ROBO1: variants seen among roughly 807,000 people sequenced by gnomAD.
ROBO1 encodes roundabout guidance receptor 1.
Under a neutral mutation model 195.9 loss-of-function variants are expected in ROBO1, and 149 were observed. The ratio of observed to expected loss-of-function variants is 0.76; its 90% CI spans 0.67 to 0.87. The LOEUF (loss-of-function observed/expected upper bound fraction) is 0.87. Among genes scored for constraint, ROBO1 ranks in the 40% least tolerant of loss-of-function variants. The pLI is 0.00. For missense variants in ROBO1, 1,933 were observed against 2,068.3 expected, an observed-to-expected ratio of 0.93 and a Z score of 1.27; for synonymous variants, 816 against 733.2, an observed-to-expected ratio of 1.11 and a Z score of -1.82.
intron 2 of ROBO1, among the ~76,000 whole-genome samples, chr3:79,450,342 G>GAA (rs397736160): frequency 9.4e-5 from 14 of 148,866 alleles, no homozygotes; most frequent in Admixed American, 8.7e-4. Context: ...TGGGGAGAGA[G>GAA]GGAGGGATGA....
intron 2 of ROBO1, among the ~76,000 whole-genome samples, chr3:79,250,914 C>T (rs2082716810): frequency 6.6e-6 from 1 of 152,014 alleles, no homozygotes; most frequent in Admixed American, 6.6e-5. Context: ...AATTAGTCAG[C>T]TGTGGTGGCT....
chr3:78,612,011 C>T (rs780746389), intron 28 of ROBO1, among the ~76,000 whole-genome samples: 19 of 152,206 alleles, frequency 1.2e-4, no homozygotes, highest in African/African-American at 3.9e-4. Context: ...TTTGTTATGG[C>T]GGCCCTAGCA....
chr3:79,160,864 C>G (rs576296483), intron 2 of ROBO1, among the ~76,000 whole-genome samples: 1 of 151,952 alleles, frequency 6.6e-6, no homozygotes, highest in Non-Finnish European at 1.5e-5. Flanking sequence ...GCCTCACCCC[C>G]CCAACCTCAA....
chr3:79,246,785 A>G (rs2082631786), intron 2 of ROBO1, among the ~76,000 whole-genome samples: 1 of 152,072 alleles, frequency 6.6e-6, no homozygotes, highest in Non-Finnish European at 1.5e-5. Flanking sequence ...GATCCCATAT[A>G]TAATGAGAAC....
At chr3:79,658,536 C>T (rs1182860701) in intron 1 of ROBO1, among the ~76,000 whole-genome samples, 1 of 151,718 alleles carries the variant, frequency 6.6e-6, no homozygotes, top group Non-Finnish European at 1.5e-5. Context: ...ATTTTAGGTA[C>T]CCTAATTATT....
At chr3:79,153,374 A>G (rs2080805953) in intron 2 of ROBO1, among the ~76,000 whole-genome samples, 1 of 151,730 alleles carries the variant, frequency 6.6e-6, no homozygotes, top group Non-Finnish European at 1.5e-5. Flanking sequence ...GTATCACAGT[A>G]ATTTGAAAGC....
chr3:78,874,584 T>C (rs1464215084), intron 4 of ROBO1, among the ~76,000 whole-genome samples: 1 of 151,910 alleles, frequency 6.6e-6, no homozygotes, highest in Non-Finnish European at 1.5e-5. Flanking sequence ...CTTTATGTCA[T>C]ACACTTTCAA....
intron 1 of ROBO1, among the ~76,000 whole-genome samples, chr3:79,631,270 A>G (rs1164812759): frequency 2.0e-5 from 3 of 152,032 alleles, no homozygotes; most frequent in Admixed American, 6.6e-5. Flanking sequence ...ACAGTATGGT[A>G]CAAGTACAAT....
intron 2 of ROBO1, among the ~76,000 whole-genome samples, chr3:79,404,912 T>C (rs1282037658): frequency 6.6e-6 from 1 of 152,148 alleles, no homozygotes; most frequent in South Asian, 2.1e-4. Context: ...AATTCATTTT[T>C]AAAGTTATTT....
intron 2 of ROBO1, among the ~76,000 whole-genome samples, chr3:79,466,916 A>C (rs778323217): frequency 3.3e-5 from 5 of 152,158 alleles, no homozygotes; most frequent in Non-Finnish European, 7.4e-5. Context: ...GCTTGGTCAA[A>C]ATGACGAAGA....
chr3:78,631,970 C>T (rs1705212951), intron 24 of ROBO1, among the ~76,000 whole-genome samples: 2 of 152,128 alleles, frequency 1.3e-5, no homozygotes, highest in Admixed American at 1.3e-4. Context: ...CCCAATCATT[C>T]AAGTGCTCCA....
At chr3:79,033,626 C>A (rs1474094811) in intron 3 of ROBO1, among the ~76,000 whole-genome samples, 1 of 152,130 alleles carries the variant, frequency 6.6e-6, no homozygotes, top group Non-Finnish European at 1.5e-5. Flanking sequence ...ATATCCTTAT[C>A]ATCCAGGGCA....
intron 4 of ROBO1, 45 bp downstream of exon 4, chr3:78,938,556 C>T (rs1222618750): frequency 2.6e-6 from 4 of 1,521,616 alleles, no homozygotes; most frequent in Non-Finnish European, 8.9e-7. Flanking sequence ...AATGACGCCA[C>T]TCTGCCACTC....
chr3:78,638,266 T>G (rs1393682842), intron 22 of ROBO1, among the ~76,000 whole-genome samples: 2 of 137,346 alleles, frequency 1.5e-5, no homozygotes, highest in African/African-American at 5.6e-5. Context: ...TATATGTATA[T>G]GTGTATATAT....
chr3:79,395,701 T>G (rs2037130730), intron 2 of ROBO1, among the ~76,000 whole-genome samples: 1 of 152,104 alleles, frequency 6.6e-6, no homozygotes, highest in Non-Finnish European at 1.5e-5. Flanking sequence ...AAATACAAAT[T>G]TTCCCACCTA....
chr3:78,726,221 C>G (rs913113141), intron 5 of ROBO1, among the ~76,000 whole-genome samples: 1 of 151,992 alleles, frequency 6.6e-6, no homozygotes, highest in African/African-American at 2.4e-5. Context: ...ACTAAAAATA[C>G]TATTTAAAAA....
intron 4 of ROBO1, among the ~76,000 whole-genome samples, chr3:78,934,371 T>C (rs966056305): frequency 1.3e-5 from 2 of 151,900 alleles, no homozygotes; most frequent in African/African-American, 4.8e-5. Context: ...CAGTATTCTT[T>C]GAATACTGAA....
intron 2 of ROBO1, among the ~76,000 whole-genome samples, chr3:79,264,019 C>T (rs1339794779): frequency 1.3e-5 from 2 of 152,044 alleles, no homozygotes; most frequent in Non-Finnish European, 2.9e-5. Flanking sequence ...AGCTTTTGCC[C>T]AGACAACAAC....
intron 2 of ROBO1, among the ~76,000 whole-genome samples, chr3:79,363,452 T>A (rs1254761843): frequency 6.6e-6 from 1 of 152,206 alleles, no homozygotes. Context: ...ATTTTAAAAT[T>A]TTTAAGAAGT....
Sources: gnomAD v4.1 joint callset for allele counts (sites outside exome capture counted in the v4.1 genomes callset) on GRCh38, gnomAD v4.1.1 for gene constraint, MANE v1.5 for transcripts, NCBI Gene and HGNC (gene_info 2026-07-23, HGNC 2026-07-21) for gene names.